VTI1A: variants seen among roughly 807,000 people sequenced by gnomAD.
The protein encoded by VTI1A is vesicle transport through interaction with t-SNAREs 1A.
VTI1A carries 22 observed loss-of-function variants against 34.9 expected under a neutral mutation model. The observed-to-expected ratio is 0.63, with a 90% confidence interval of 0.45 to 0.90. VTI1A has a LOEUF of 0.90. Among genes scored for constraint, VTI1A ranks in the 40% least tolerant of loss-of-function variants. The pLI, the probability that VTI1A is intolerant of heterozygous loss-of-function variation, is 0.00. For missense variants in VTI1A, 268 were observed against 275.6 expected (o/e 0.97, Z 0.20); for synonymous variants, 87 against 97.3 (o/e 0.89, Z 0.62).
the VTI1A span, among the ~76,000 whole-genome samples, chr10:112,833,673 C>A: frequency 2.6e-5 from 4 of 152,100 alleles, no homozygotes; most frequent in African/African-American, 9.7e-5. Flanking sequence ...TTAGTCATTT[C>A]TTTCTCCACT....
In VTI1A at chr10:112,815,368, T is replaced by C. The variant is rs372898100; in HGVS notation, c.639T>C (p.Ser213=). The change falls in exon 8 of 8, where the codon TCT becomes TCC. Residue 213 remains serine (S), a synonymous_variant. Coordinates refer to ENST00000393077, the MANE Select transcript of VTI1A (RefSeq NM_145206.4). Reference sequence around the variant, plus strand: ...CCATCCTGATGGCGATCACTTTTTCTGTCAGAAGACACTGATGTATCTGCT... The same window carrying C: ...CCATCCTGATGGCGATCACTTTTTCCGTCAGAAGACACTGATGTATCTGCT... ...VITILMAITF[S]VRRH 1 of 1,613,868 alleles carries C rather than the reference T, an allele frequency of 6.2e-7. No individual in the cohort carries two copies. The highest frequency in any genetic ancestry group is 1.3e-5 in the African/African-American group (1 of 74,908).
At chr10:112,564,627 A>G (rs1454289073) in intron 5 of VTI1A, among the ~76,000 whole-genome samples, 1 of 152,136 alleles carries the variant, frequency 6.6e-6, no homozygotes, top group African/African-American at 2.4e-5. Context: ...GAGAAATGGA[A>G]TGGGTGCAAA....
chr10:112,651,653 T>C (rs1847026000), intron 5 of VTI1A, among the ~76,000 whole-genome samples: 1 of 152,216 alleles, frequency 6.6e-6, no homozygotes, highest in Non-Finnish European at 1.5e-5. Flanking sequence ...CTTTTTTAGC[T>C]GAAACTGATG....
At chr10:112,651,391 A>T (rs542167378) in intron 5 of VTI1A, among the ~76,000 whole-genome samples, 5 of 152,198 alleles carry the variant, frequency 3.3e-5, no homozygotes, top group Non-Finnish European at 7.4e-5. Flanking sequence ...GCTTACCACA[A>T]CCTCCACCTC....
chr10:112,548,401 C>CAT (rs145815962), intron 5 of VTI1A, among the ~76,000 whole-genome samples: 8,755 of 151,908 alleles, frequency 0.058, 873 homozygotes, highest in African/African-American at 0.2. Flanking sequence ...ATTTTTAAAA[C>CAT]TAATAACTTA....
At chr10:112,782,518 GA>G (rs1852163544) in intron 7 of VTI1A, among the ~76,000 whole-genome samples, 1 of 152,228 alleles carries the variant, frequency 6.6e-6, no homozygotes, top group Non-Finnish European at 1.5e-5. Flanking sequence ...GCATATTAGT[GA>G]AGTCTGGCTA....
chr10:112,469,430 C>G (rs1338826041), intron 3 of VTI1A, among the ~76,000 whole-genome samples: 1 of 152,154 alleles, frequency 6.6e-6, no homozygotes, highest in African/African-American at 2.4e-5. Flanking sequence ...CATCATACTC[C>G]CAAGAACTAA....
intron 7 of VTI1A, among the ~76,000 whole-genome samples, chr10:112,806,138 C>T (rs1853067408): frequency 2.6e-5 from 4 of 152,130 alleles, no homozygotes. Context: ...CCCTGCCCAT[C>T]AAAACTCATC....
chr10:112,511,150 A>C (rs1283668034), intron 3 of VTI1A, among the ~76,000 whole-genome samples: 1 of 152,088 alleles, frequency 6.6e-6, no homozygotes, highest in South Asian at 2.1e-4. Context: ...AAAGAAGAAC[A>C]TACACTCTCT....
At chr10:112,561,363 G>C (rs1169696954) in intron 5 of VTI1A, among the ~76,000 whole-genome samples, 2 of 152,176 alleles carry the variant, frequency 1.3e-5, no homozygotes, top group Non-Finnish European at 2.9e-5. Context: ...AGGTTGCAGT[G>C]TGATCATGTT....
chr10:112,621,377 A>G (rs755656077), intron 5 of VTI1A, among the ~76,000 whole-genome samples: 5 of 152,168 alleles, frequency 3.3e-5, no homozygotes, highest in Admixed American at 2.0e-4. Flanking sequence ...TGTACATCTT[A>G]TCATCCCACG....
chr10:112,623,306 G>T (rs1845797994), intron 5 of VTI1A, among the ~76,000 whole-genome samples: 1 of 152,172 alleles, frequency 6.6e-6, no homozygotes, highest in South Asian at 2.1e-4. Flanking sequence ...AGACAGGCTA[G>T]AGGCTTTTAA....
intron 5 of VTI1A, among the ~76,000 whole-genome samples, chr10:112,626,015 G>A (rs539065041): frequency 1.8e-3 from 279 of 152,210 alleles, no homozygotes; most frequent in African/African-American, 6.2e-3. Context: ...TAATCTTTCC[G>A]TTTTCCCCAA....
At chr10:112,739,843 TG>T (rs912894500) in intron 7 of VTI1A, among the ~76,000 whole-genome samples, 10 of 152,366 alleles carry the variant, frequency 6.6e-5, no homozygotes, top group African/African-American at 2.4e-4. Context: ...TCTTTCTTGT[TG>T]CTGGGGCCAA....
the VTI1A span, among the ~76,000 whole-genome samples, chr10:112,850,877 G>A: frequency 1.3e-5 from 2 of 152,144 alleles, no homozygotes; most frequent in African/African-American, 2.4e-5. Flanking sequence ...CATGCCCTAC[G>A]AAACCTGGAT....
chr10:112,770,535 A>G (rs951282103), intron 7 of VTI1A, among the ~76,000 whole-genome samples: 8 of 150,570 alleles, frequency 5.3e-5, no homozygotes, highest in Admixed American at 1.3e-4. Flanking sequence ...AGCTGGGACT[A>G]CAGGCGCCTG....
intron 5 of VTI1A, among the ~76,000 whole-genome samples, chr10:112,618,114 A>G (rs1845573512): frequency 6.6e-6 from 1 of 152,228 alleles, no homozygotes; most frequent in South Asian, 2.1e-4. Context: ...AGATGGTGCC[A>G]TTGTACTCCA....
At chr10:112,776,393 A>T (rs941933674) in intron 7 of VTI1A, among the ~76,000 whole-genome samples, 1 of 152,140 alleles carries the variant, frequency 6.6e-6, no homozygotes, top group African/African-American at 2.4e-5. Flanking sequence ...CTCAGGAGTA[A>T]GGCTGGTGCA....
At chr10:112,833,107 A>G in the VTI1A span, among the ~76,000 whole-genome samples, 1 of 152,092 alleles carries the variant, frequency 6.6e-6, no homozygotes, top group African/African-American at 2.4e-5. Flanking sequence ...GCCAGGGAGG[A>G]CAGGCATGTG....
Sources: allele counts gnomAD v4.1 joint callset (sites outside exome capture counted in the v4.1 genomes callset), GRCh38; gene constraint gnomAD v4.1.1; transcripts MANE v1.5; gene names NCBI Gene and HGNC (gene_info 2026-07-23, HGNC 2026-07-21).